Variants in AHCYL2 observed in about 807,000 individuals in gnomAD.
AHCYL2 encodes the protein S-adenosylhomocysteine hydrolase-like protein 2.
Under a neutral mutation model 81.4 loss-of-function variants are expected in AHCYL2, and 28 were observed. The observed-to-expected ratio is 0.34, with a 90% CI of 0.25 to 0.47. The LOEUF (loss-of-function observed/expected upper bound fraction) is 0.47. AHCYL2 is among the 20% of genes least tolerant of loss of function. The pLI, the probability that AHCYL2 is intolerant of heterozygous loss-of-function variation, is 1.00. For synonymous variants in AHCYL2, 272 were observed against 290.2 expected, an observed-to-expected ratio of 0.94 and a Z score of 0.64; for missense variants, 551 against 785.1, an observed-to-expected ratio of 0.70 and a Z score of 3.56.
At chr7:129,350,425 A>C (rs116407551) in intron 1 of AHCYL2, among the ~76,000 whole-genome samples, 5,287 of 149,896 alleles carry the variant, frequency 0.035, 123 homozygotes, top group Admixed American at 0.06. Context: ...CTTTTGTCAC[A>C]TGGGCTGGAG....
chr7:129,395,919 C>T (rs1795714228), intron 4 of AHCYL2, among the ~76,000 whole-genome samples: 2 of 152,292 alleles, frequency 1.3e-5, no homozygotes, highest in South Asian at 4.1e-4. Flanking sequence ...CTGTGGCAGC[C>T]ATTTCTTCCC....
intron 12 of AHCYL2, among the ~76,000 whole-genome samples, chr7:129,414,809 C>T (rs1796765665): frequency 6.6e-6 from 1 of 152,136 alleles, no homozygotes; most frequent in Non-Finnish European, 1.5e-5. Context: ...TTTTATGGCA[C>T]GCTTGTATTT....
chr7:129,270,077 G>C (rs1795953978), intron 1 of AHCYL2, among the ~76,000 whole-genome samples: 1 of 152,086 alleles, frequency 6.6e-6, no homozygotes. Flanking sequence ...TAGAAGCAAG[G>C]TCAAAAGTTT....
intron 1 of AHCYL2, among the ~76,000 whole-genome samples, chr7:129,283,704 A>G (rs1469433723): frequency 2.0e-5 from 3 of 152,130 alleles, no homozygotes; most frequent in African/African-American, 7.2e-5. Context: ...AATATGTTCT[A>G]TGGTTGTGTG....
chr7:129,350,866 G>A (rs977802025), intron 1 of AHCYL2, among the ~76,000 whole-genome samples: 8 of 150,684 alleles, frequency 5.3e-5, no homozygotes, highest in Non-Finnish European at 7.4e-5. Flanking sequence ...ATGATGCCCC[G>A]CTAATTTTTG....
In AHCYL2 at chr7:129,368,041, TC is replaced by T. The variant is rs1794190968; in HGVS notation, c.364-11596del. 3.2e-6 allele frequency: 3 copies of T among 940,124 alleles called. No homozygotes were observed. The highest frequency in any genetic ancestry group is 1.8e-5 in the African/African-American group (1 of 56,220). 58.2% of individuals were successfully genotyped at this position (940,124 alleles called of 1,614,324 possible). ...AATGGGAGTGCCTTCCTGACCTCAG[TC>T]TTTATTGATCTTGGTATCCGCACCT... On this transcript the variant is annotated intron_variant, in intron 1 of 16. Coordinates refer to ENST00000325006, the MANE Select transcript of AHCYL2 (RefSeq NM_015328.4). The surrounding 1 kb of genome is among the most constrained non-coding windows in gnomAD (Gnocchi z 4.4).
At chr7:129,359,918 G>A (rs138037883) in intron 1 of AHCYL2, among the ~76,000 whole-genome samples, 6 of 152,278 alleles carry the variant, frequency 3.9e-5, no homozygotes, top group African/African-American at 1.2e-4. Context: ...AGAAACACTG[G>A]ATTAGTCAGT....
chr7:129,316,810 A>C (rs1372899580), intron 1 of AHCYL2, among the ~76,000 whole-genome samples: 1 of 152,124 alleles, frequency 6.6e-6, no homozygotes, highest in Non-Finnish European at 1.5e-5. Context: ...GAATTCGGCC[A>C]AATGTAAATG....
At chr7:129,416,040 A>C (rs1244433183) in intron 12 of AHCYL2, among the ~76,000 whole-genome samples, 1 of 152,156 alleles carries the variant, frequency 6.6e-6, no homozygotes, top group Non-Finnish European at 1.5e-5. Flanking sequence ...ACTCCATCTC[A>C]AAAAGAAAAA....
At chr7:129,370,772 CACTT>C (rs1794369312) in intron 1 of AHCYL2, among the ~76,000 whole-genome samples, 1 of 152,306 alleles carries the variant, frequency 6.6e-6, no homozygotes, top group South Asian at 2.1e-4. Flanking sequence ...GTATTACTCT[CACTT>C]AGGAATTTCT....
chr7:129,272,577 A>G (rs1362507091), intron 1 of AHCYL2, among the ~76,000 whole-genome samples: 1 of 152,134 alleles, frequency 6.6e-6, no homozygotes, highest in African/African-American at 2.4e-5. Context: ...CAGAGAGAAA[A>G]GTGTTATTGG....
At chr7:129,232,041 A>T (rs145306747) in intron 1 of AHCYL2, among the ~76,000 whole-genome samples, 88 of 151,872 alleles carry the variant, frequency 5.8e-4, no homozygotes, top group African/African-American at 2.0e-3. Flanking sequence ...CTGCTGATTG[A>T]GTTTCTCTGA....
At chr7:129,376,331 C>T (rs753553634) in intron 1 of AHCYL2, among the ~76,000 whole-genome samples, 3 of 152,152 alleles carry the variant, frequency 2.0e-5, no homozygotes, top group African/African-American at 4.8e-5. Context: ...GAAAGATACT[C>T]GTTTCTTGCG....
At chr7:129,297,232 G>A (rs901972605) in intron 1 of AHCYL2, among the ~76,000 whole-genome samples, 6 of 152,182 alleles carry the variant, frequency 3.9e-5, no homozygotes, top group African/African-American at 1.2e-4. Flanking sequence ...ATTTTTTGTA[G>A]TGCTATGTCC....
intron 1 of AHCYL2, among the ~76,000 whole-genome samples, chr7:129,261,968 T>G (rs1327281051): frequency 6.6e-6 from 1 of 152,114 alleles, no homozygotes; most frequent in Non-Finnish European, 1.5e-5. Context: ...GTTGAATAGG[T>G]TTGATTTTCT....
intron 1 of AHCYL2, among the ~76,000 whole-genome samples, chr7:129,318,784 T>C (rs890523926): frequency 5.3e-5 from 8 of 151,242 alleles, no homozygotes; most frequent in African/African-American, 2.0e-4. Flanking sequence ...AAGAATAGAC[T>C]GTATTTTTTT....
chr7:129,317,692 G>C (rs542160514), intron 1 of AHCYL2, among the ~76,000 whole-genome samples: 1 of 152,320 alleles, frequency 6.6e-6, no homozygotes, highest in South Asian at 2.1e-4. Flanking sequence ...TTGGTGGCTA[G>C]AGGCTGAACT....
At chr7:129,326,384 G>A (rs531793141) in intron 1 of AHCYL2, among the ~76,000 whole-genome samples, 46 of 151,964 alleles carry the variant, frequency 3.0e-4, no homozygotes, top group East Asian at 1.2e-3. Context: ...AAAATTAGCC[G>A]GGCGTGGTGG....
intron 1 of AHCYL2, among the ~76,000 whole-genome samples, chr7:129,286,506 G>A (rs1213036031): frequency 6.6e-6 from 1 of 152,148 alleles, no homozygotes; most frequent in Non-Finnish European, 1.5e-5. Context: ...CATCACCCAG[G>A]CTGGAGTGCA....
Sources: gnomAD v4.1 joint callset for allele counts (sites outside exome capture counted in the v4.1 genomes callset) on GRCh38, gnomAD v4.1.1 for gene constraint, Gnocchi (gnomAD v3.1) non-coding constraint, MANE v1.5 for transcripts, NCBI Gene and HGNC (gene_info 2026-07-23, HGNC 2026-07-21) for gene names.